Variants in PSD3 observed in about 807,000 individuals in gnomAD.
The protein encoded by PSD3 is PH and SEC7 domain-containing protein 3.
In PSD3, 49 loss-of-function variants were observed where a neutral mutation model predicts 105.5. That is an observed-to-expected ratio of 0.46 (90% CI 0.37 to 0.59). The LOEUF (loss-of-function observed/expected upper bound fraction) is 0.59, where lower values mean the gene tolerates loss of function less well. PSD3 is among the 20% of genes least tolerant of loss of function. The pLI, the probability that PSD3 is intolerant of heterozygous loss-of-function variation, is 0.00. For synonymous variants in PSD3, 557 were observed against 457.8 expected (o/e 1.22, Z -2.77); for missense variants, 1,561 against 1,263.8 (o/e 1.24, Z -3.57).
At chr8:18,796,586 T>TGCAGGCCAACC (rs1810199956) in intron 8 of PSD3, among the ~76,000 whole-genome samples, 2 of 152,200 alleles carry the variant, frequency 1.3e-5, no homozygotes, top group Admixed American at 1.3e-4. Flanking sequence ...AGGCCCATAT[T>TGCAGGCCAACC]AATGCATTCT....
At chr8:19,005,918 C>A (rs79228505) in intron 1 of PSD3, among the ~76,000 whole-genome samples, 4,580 of 151,880 alleles carry the variant, frequency 0.03, 235 homozygotes, top group African/African-American at 0.1. Flanking sequence ...GTGAATATCT[C>A]AATAAAGTTG....
chr8:18,629,242 A>T (rs1471697817), intron 11 of PSD3, among the ~76,000 whole-genome samples: 2 of 151,994 alleles, frequency 1.3e-5, no homozygotes, highest in African/African-American at 4.8e-5. Context: ...AGGAAGACAT[A>T]ATATATATAG....
chr8:18,994,965 C>T (rs768360773), intron 1 of PSD3, among the ~76,000 whole-genome samples: 12 of 151,608 alleles, frequency 7.9e-5, no homozygotes, highest in East Asian at 1.9e-4. Context: ...TTAAGTACCG[C>T]GTCCAGTCTA....
At chr8:18,793,069 G>T (rs556579317) in intron 8 of PSD3, among the ~76,000 whole-genome samples, 2 of 152,074 alleles carry the variant, frequency 1.3e-5, no homozygotes, top group South Asian at 2.1e-4. Flanking sequence ...GCAAACTACC[G>T]CAAGGACAGA....
chr8:18,688,231 G>T (rs187139365), intron 9 of PSD3, among the ~76,000 whole-genome samples: 2 of 151,584 alleles, frequency 1.3e-5, no homozygotes, highest in African/African-American at 4.9e-5. Context: ...CTACAGGCAT[G>T]CACCTGGCAC....
intron 4 of PSD3, among the ~76,000 whole-genome samples, chr8:18,859,671 T>C (rs1464155989): frequency 1.3e-5 from 2 of 152,242 alleles, no homozygotes; most frequent in Admixed American, 6.5e-5. Context: ...AGTACTTTTA[T>C]GTTACGGAGA....
intron 4 of PSD3, among the ~76,000 whole-genome samples, chr8:18,848,764 G>A (rs1815326486): frequency 6.6e-6 from 1 of 152,190 alleles, no homozygotes; most frequent in South Asian, 2.1e-4. Flanking sequence ...AGAATGACCA[G>A]TAAACTCACC....
At chr8:18,547,394 T>G (rs12675422) in intron 15 of PSD3, among the ~76,000 whole-genome samples, 96,404 of 152,072 alleles carry the variant, frequency 0.63, 31,572 homozygotes, top group South Asian at 0.77. Flanking sequence ...TAGTAAGAAC[T>G]GCAGGTCTCT....
At chr8:18,580,274 C>T (rs1018372471) in intron 12 of PSD3, among the ~76,000 whole-genome samples, 7 of 152,056 alleles carry the variant, frequency 4.6e-5, no homozygotes, top group African/African-American at 1.7e-4. Flanking sequence ...CTCCGGGTGC[C>T]ACAGTCTTGG....
intron 4 of PSD3, chr8:18,865,278 A>T (rs1414910250): frequency 0.14 from 324 of 2,372 alleles, 58 homozygotes; most frequent in East Asian, 0.51. Flanking sequence ...ATATATATAT[A>T]TATATATATT....
At chr8:18,589,541 A>T (rs970345923) in intron 12 of PSD3, among the ~76,000 whole-genome samples, 7 of 152,208 alleles carry the variant, frequency 4.6e-5, no homozygotes, top group Admixed American at 2.0e-4. Context: ...GTCCTTCCTA[A>T]TTTGGACACT....
intron 10 of PSD3, among the ~76,000 whole-genome samples, chr8:18,635,941 C>T (rs1031701676): frequency 1.3e-5 from 2 of 151,900 alleles, no homozygotes; most frequent in African/African-American, 2.4e-5. Flanking sequence ...ACCTAATGCA[C>T]GTGGGGCTTA....
chr8:18,799,378 AG>A (rs3214999), intron 7 of PSD3, 25 bp from the exon 8 acceptor site: 513,699 of 1,570,326 alleles, frequency 0.33, 86,913 homozygotes, highest in African/African-American at 0.48. Flanking sequence ...AAGAAAAAAA[AG>A]CATGAATTCG....
chr8:18,937,796 C>T (rs975690925), intron 1 of PSD3, among the ~76,000 whole-genome samples: 3 of 152,146 alleles, frequency 2.0e-5, no homozygotes, highest in African/African-American at 4.8e-5. Context: ...CAAGGGGCTG[C>T]CACGTAAGGT....
At chr8:18,649,504 T>G (rs554367225) in intron 10 of PSD3, among the ~76,000 whole-genome samples, 40 of 152,286 alleles carry the variant, frequency 2.6e-4, no homozygotes, top group Admixed American at 7.2e-4. Context: ...TTGTTTTTAA[T>G]TTTACAGGCT....
chr8:18,582,453 T>C (rs1802880783), intron 12 of PSD3, among the ~76,000 whole-genome samples: 1 of 152,130 alleles, frequency 6.6e-6, no homozygotes, highest in Non-Finnish European at 1.5e-5. Flanking sequence ...TCCTCCTCCT[T>C]TCTCTTCCTC....
intron 9 of PSD3, among the ~76,000 whole-genome samples, chr8:18,663,258 CT>C (rs945245772): frequency 1.1e-4 from 17 of 152,058 alleles, no homozygotes; most frequent in Non-Finnish European, 2.5e-4. Context: ...GAAACCCAGC[CT>C]TTACTAAAAA....
At chr8:18,841,690 C>A (rs1211112777) in intron 4 of PSD3, among the ~76,000 whole-genome samples, 1 of 152,082 alleles carries the variant, frequency 6.6e-6, no homozygotes, top group Non-Finnish European at 1.5e-5. Flanking sequence ...AGCCAAAATT[C>A]TTTGAGTTTT....
chr8:18,804,948 A>G (rs958394491), intron 4 of PSD3, 50 bp from the exon 5 acceptor site: 5 of 1,407,620 alleles, frequency 3.6e-6, no homozygotes, highest in Non-Finnish European at 3.9e-6. Flanking sequence ...TTATATGGCA[A>G]AAAGGAAAAT....
Sources: allele counts gnomAD v4.1 joint callset (sites outside exome capture counted in the v4.1 genomes callset), GRCh38; gene constraint gnomAD v4.1.1; transcripts MANE v1.5; gene names NCBI Gene and HGNC (gene_info 2026-07-23, HGNC 2026-07-21).